The following GRB10 variants were observed in gnomAD, a reference collection of about 807,000 sequenced individuals.
GRB10 encodes the protein growth factor receptor-bound protein 10.
Under a neutral mutation model 80.9 loss-of-function variants are expected in GRB10, and 20 were observed. The observed-to-expected ratio is 0.25, with a 90% CI of 0.17 to 0.36. The LOEUF (loss-of-function observed/expected upper bound fraction) is 0.36, where lower values mean the gene tolerates loss of function less well. Ranked by LOEUF, GRB10 falls within the 10% of genes least tolerant of loss-of-function variation. GRB10 has a pLI of 1.00. For synonymous variants in GRB10, 291 were observed against 291.5 expected (o/e 1.00, Z 0.02); for missense variants, 548 against 747.7 (o/e 0.73, Z 3.12).
chr7:50,670,495 T>C (rs1475981461), intron 6 of GRB10, among the ~76,000 whole-genome samples: 1 of 138,134 alleles, frequency 7.2e-6, no homozygotes, highest in Non-Finnish European at 1.5e-5. Flanking sequence ...CAAAGGGTAT[T>C]GGGTATCAAT....
intron 2 of GRB10, among the ~76,000 whole-genome samples, chr7:50,777,519 G>A (rs1014185377): frequency 4.0e-5 from 6 of 150,932 alleles, no homozygotes; most frequent in Non-Finnish European, 7.4e-5. Context: ...AAATTTAAAT[G>A]AGTAAATTGT....
At chr7:50,781,848 A>T (rs2078315348) in intron 1 of GRB10, among the ~76,000 whole-genome samples, 1 of 152,192 alleles carries the variant, frequency 6.6e-6, no homozygotes, top group Non-Finnish European at 1.5e-5. Context: ...TGCTCAATTC[A>T]CATTGTCTGA....
intron 5 of GRB10, among the ~76,000 whole-genome samples, chr7:50,680,685 A>G (rs1171226363): frequency 6.6e-6 from 1 of 152,256 alleles, no homozygotes; most frequent in Non-Finnish European, 1.5e-5. Flanking sequence ...TATCCTGGGC[A>G]TAACATAGTT....
chr7:50,762,453 A>G (rs940177943), intron 2 of GRB10, among the ~76,000 whole-genome samples: 6 of 152,060 alleles, frequency 3.9e-5, no homozygotes, highest in Non-Finnish European at 8.8e-5. Flanking sequence ...AGTTAAAGCA[A>G]TATCATCCCA....
At chr7:50,621,977 T>C (rs2051849390) in intron 8 of GRB10, among the ~76,000 whole-genome samples, 1 of 152,204 alleles carries the variant, frequency 6.6e-6, no homozygotes, top group Non-Finnish European at 1.5e-5. Flanking sequence ...CAGTTGGCAG[T>C]GGAGGGGCCA....
chr7:50,705,211 G>C, intron 4 of GRB10: 1 of 985,822 alleles, frequency 1.0e-6, no homozygotes, highest in Non-Finnish European at 1.2e-6. Flanking sequence ...GGAAGCAGAG[G>C]GTAGCCCAGG....
chr7:50,617,039 A>G (rs1199360372), intron 10 of GRB10, among the ~76,000 whole-genome samples: 1 of 152,198 alleles, frequency 6.6e-6, no homozygotes, highest in African/African-American at 2.4e-5. Flanking sequence ...CACCTGGGTC[A>G]GTCCTTCTTG....
chr7:50,610,692 T>C (rs999723760), intron 13 of GRB10, among the ~76,000 whole-genome samples: 7 of 152,198 alleles, frequency 4.6e-5, no homozygotes, highest in African/African-American at 1.7e-4. Context: ...ATAATATGCA[T>C]GTCACTGAGC....
At chr7:50,596,227 A>G (rs1488040195) in intron 17 of GRB10, among the ~76,000 whole-genome samples, 2 of 152,218 alleles carry the variant, frequency 1.3e-5, no homozygotes, top group Non-Finnish European at 2.9e-5. Context: ...ATTTACTACA[A>G]AGGGGAAAAT....
At chr7:50,763,700 T>G (rs568281277) in intron 2 of GRB10, among the ~76,000 whole-genome samples, 1 of 152,306 alleles carries the variant, frequency 6.6e-6, no homozygotes, top group Non-Finnish European at 1.5e-5. Context: ...ATTCCTAACT[T>G]TCTCTTCTGC....
chr7:50,618,165 C>A (rs375805040), intron 9 of GRB10, 26 bp from the exon 10 acceptor site: 4 of 1,572,588 alleles, frequency 2.5e-6, no homozygotes, highest in East Asian at 2.2e-5. Flanking sequence ...AAAACAAATA[C>A]GTAAAAGGTT....
intron 3 of GRB10, 115 bp downstream of exon 3, chr7:50,755,772 G>GT: frequency 2.5e-6 from 1 of 397,720 alleles, no homozygotes; most frequent in Non-Finnish European, 4.4e-6. Flanking sequence ...AAAGGTTCTA[G>GT]TATCAGGCCT....
intron 7 of GRB10, among the ~76,000 whole-genome samples, chr7:50,648,358 G>C (rs2057531374): frequency 6.6e-6 from 1 of 152,162 alleles, no homozygotes; most frequent in South Asian, 2.1e-4. Flanking sequence ...ATGGGAACAA[G>C]TGGAATTGAA....
chr7:50,692,390 T>C lies in GRB10; in HGVS notation c.139+11431A>G, dbSNP rs145933803. 1.3e-3 allele frequency among the ~76,000 whole-genome samples: 204 copies of C among 152,196 alleles called. 1 individual carries two copies. The highest frequency in any genetic ancestry group is 4.7e-3 in the African/African-American group (196 of 41,530). ...AAAGATGAACTAGATAAGAGGACATTAGAGGAATCATGACACAATATGCTG... is the reference window on the plus strand; with the variant it reads ...AAAGATGAACTAGATAAGAGGACATCAGAGGAATCATGACACAATATGCTG... On this transcript the variant is annotated intron_variant, in intron 5 of 18. Coordinates refer to ENST00000401949, the MANE Select transcript of GRB10 (RefSeq NM_001350814.2).
intron 5 of GRB10, among the ~76,000 whole-genome samples, chr7:50,688,626 CA>C: frequency 6.6e-6 from 1 of 152,008 alleles, no homozygotes; most frequent in Admixed American, 6.6e-5. Flanking sequence ...GAGAAGACGC[CA>C]AAGAGTAGAG....
chr7:50,656,113 CAA>C lies in GRB10; in HGVS notation c.504+13607_504+13608del, dbSNP rs150643462. Among the ~76,000 whole-genome samples the C allele has an allele frequency of 2.2e-4, 34 of 152,292 alleles. 2 individuals are homozygous for C. In the East Asian group the frequency reaches 6.6e-3, roughly 29 times the overall value. On this transcript the variant is annotated intron_variant, in intron 7 of 18. Coordinates refer to ENST00000401949, the MANE Select transcript of GRB10 (RefSeq NM_001350814.2). ...CCTAAAATCTATCAGTGAATGGGCACAAGAGAGGAACAGAGGACAGTAAGGGC... is the reference window on the plus strand; with the variant it reads ...CCTAAAATCTATCAGTGAATGGGCACGAGAGGAACAGAGGACAGTAAGGGC...
At chr7:50,700,218 T>C (rs1033709047) in intron 5 of GRB10, among the ~76,000 whole-genome samples, 1 of 152,234 alleles carries the variant, frequency 6.6e-6, no homozygotes, top group Admixed American at 6.5e-5. Context: ...TTTGAAGGTA[T>C]AGTATTGATT....
At chr7:50,718,743 T>G (rs2067261322) in intron 4 of GRB10, among the ~76,000 whole-genome samples, 1 of 152,126 alleles carries the variant, frequency 6.6e-6, no homozygotes, top group Non-Finnish European at 1.5e-5. Context: ...ATACTGAAAT[T>G]GTAACCGTCG....
intron 18 of GRB10, among the ~76,000 whole-genome samples, chr7:50,593,387 C>A (rs1442903671): frequency 6.6e-6 from 1 of 152,092 alleles, no homozygotes; most frequent in Admixed American, 6.5e-5. Flanking sequence ...CTCGAAGTTG[C>A]CCCCAGTTCA....
Sources: allele counts gnomAD v4.1 joint callset (sites outside exome capture counted in the v4.1 genomes callset), GRCh38; gene constraint gnomAD v4.1.1; transcripts MANE v1.5; gene names NCBI Gene and HGNC (gene_info 2026-07-23, HGNC 2026-07-21).